Variants in EEPD1 observed in about 807,000 individuals in gnomAD.
The protein encoded by EEPD1 is endonuclease/exonuclease/phosphatase family domain containing 1, also known as endonuclease/exonuclease/phosphatase family domain-containing protein 1.
Under a neutral mutation model 46.3 loss-of-function variants are expected in EEPD1, and 17 were observed. That is an observed-to-expected ratio of 0.37 (90% confidence interval 0.25 to 0.55). The LOEUF is 0.55. Among genes scored for constraint, EEPD1 ranks in the 20% least tolerant of loss-of-function variants. The probability of loss-of-function intolerance (pLI) is 0.83; values close to 1 mark genes in which losing one functional copy is unlikely to be tolerated. For synonymous variants in EEPD1, 313 were observed against 315.6 expected (o/e 0.99, Z 0.09); for missense variants, 673 against 745.6 (o/e 0.90, Z 1.13).
At chr7:36,224,052 A>G (rs1321097946) in intron 2 of EEPD1, among the ~76,000 whole-genome samples, 1 of 152,234 alleles carries the variant, frequency 6.6e-6, no homozygotes, top group Non-Finnish European at 1.5e-5. Flanking sequence ...TATCTCCTGC[A>G]GTTAAGCCAA....
At chr7:36,170,333 C>T (rs774221353) in intron 2 of EEPD1, among the ~76,000 whole-genome samples, 1 of 151,960 alleles carries the variant, frequency 6.6e-6, no homozygotes, top group Non-Finnish European at 1.5e-5. Flanking sequence ...CGCTTGAACC[C>T]GGGAGGCAGA....
At chr7:36,283,939 T>G (rs546522314) in intron 4 of EEPD1, among the ~76,000 whole-genome samples, 1 of 152,332 alleles carries the variant, frequency 6.6e-6, no homozygotes, top group South Asian at 2.1e-4. Flanking sequence ...CAGCAGAGGC[T>G]GTGGTGGGGT....
Position 36,189,968 on chromosome 7 carries a change from A to G in EEPD1, c.878+34766A>G, listed in dbSNP as rs146345872. 2.6e-5 allele frequency among the ~76,000 whole-genome samples: 4 copies of G among 152,100 alleles called. No homozygotes were observed. The East Asian group carries it at 7.7e-4, about 29-fold the overall frequency. On this transcript the variant is annotated intron_variant, in intron 2 of 7. Transcript: ENST00000242108. ...CAGGAGTTTGAGGACAGCCTGGGCAATGTAGTGAGAGCCTGTATCTTAAAA... is the reference window on the plus strand; with the variant it reads ...CAGGAGTTTGAGGACAGCCTGGGCAGTGTAGTGAGAGCCTGTATCTTAAAA...
intron 6 of EEPD1, among the ~76,000 whole-genome samples, chr7:36,294,476 A>G (rs2115899294): frequency 6.6e-6 from 1 of 152,350 alleles, no homozygotes; most frequent in East Asian, 1.9e-4. Context: ...TAGGCAAGCT[A>G]AAGAGTGAAA....
At chr7:36,195,739 G>A (rs955098509) in intron 2 of EEPD1, among the ~76,000 whole-genome samples, 3 of 152,058 alleles carry the variant, frequency 2.0e-5, no homozygotes, top group Non-Finnish European at 4.4e-5. Context: ...ATTACTGAGA[G>A]TAGATTATAA....
chr7:36,209,635 GGGCTGCACATGTTT>G (rs147690721), intron 2 of EEPD1, among the ~76,000 whole-genome samples: 148,190 of 151,868 alleles, frequency 0.98, 72,416 homozygotes, highest in East Asian at 1. Flanking sequence ...GGAGTCATGT[GGGCTGCACATGTTT>G]GGCTGCACAT....
intron 3 of EEPD1, among the ~76,000 whole-genome samples, chr7:36,249,405 G>A (rs141413303): frequency 1.3e-3 from 198 of 152,184 alleles, no homozygotes; most frequent in Non-Finnish European, 2.2e-3. Flanking sequence ...CCTGTGATCC[G>A]GTTCCTGGGA....
Position 36,297,092 on chromosome 7 carries a change from C to T in EEPD1, c.1415C>T (p.Ala472Val), listed in dbSNP as rs149881014. 1,174 of 1,614,214 alleles carry T rather than the reference C, an allele frequency of 7.3e-4. 5 individuals are homozygous for T. The highest frequency in any genetic ancestry group is 9.6e-4 in the Non-Finnish European group (1,132 of 1,180,034). The change falls in exon 7 of 8, where the codon GCG becomes GTG. Residue 472 changes from alanine (A) to valine (V), a missense_variant. By Grantham distance (64) the Ala-to-Val change is moderately conservative. Coordinates refer to ENST00000242108, the MANE Select transcript of EEPD1 (RefSeq NM_030636.3). ...RKEKFHHLIP[A>V]HTFTNISTKN... is the part of the protein sequence containing the mutation. ...GAAAAGTTCCACCACCTGATCCCCG[C>T]GCACACCTTCACCAACATCAGCACC...
At chr7:36,221,486 A>G (rs1243561719) in intron 2 of EEPD1, among the ~76,000 whole-genome samples, 1 of 152,270 alleles carries the variant, frequency 6.6e-6, no homozygotes, top group Non-Finnish European at 1.5e-5. Context: ...TAACTGTTAA[A>G]GAATGTAATC....
At chr7:36,292,152 C>G (rs537474384) in intron 6 of EEPD1, among the ~76,000 whole-genome samples, 2 of 152,116 alleles carry the variant, frequency 1.3e-5, no homozygotes, top group African/African-American at 4.8e-5. Context: ...CATGTGAGTG[C>G]CCCGTGCCAG....
chr7:36,199,759 T>C (rs1785683108), intron 2 of EEPD1, among the ~76,000 whole-genome samples: 2 of 152,128 alleles, frequency 1.3e-5, no homozygotes. Context: ...CTATGGTGGT[T>C]CCCAACAGTG....
chr7:36,245,449 A>G (rs1786624951), intron 3 of EEPD1, among the ~76,000 whole-genome samples: 2 of 152,150 alleles, frequency 1.3e-5, no homozygotes, highest in South Asian at 4.1e-4. Flanking sequence ...ACATAGATAC[A>G]CAGAGACCCC....
chr7:36,239,220 A>G (rs556958411), intron 3 of EEPD1, among the ~76,000 whole-genome samples, 184 bp downstream of exon 3: 22 of 152,212 alleles, frequency 1.4e-4, no homozygotes, highest in African/African-American at 5.3e-4. Context: ...CATTGTGTTC[A>G]CACCTACAAA....
chr7:36,172,455 C>T (rs1583786070), intron 2 of EEPD1, among the ~76,000 whole-genome samples: 1 of 152,156 alleles, frequency 6.6e-6, no homozygotes, highest in Admixed American at 6.5e-5. Context: ...AAGCTCTGTG[C>T]CCCTTCTGCC....
chr7:36,259,114 T>C (rs1786872786), intron 3 of EEPD1, among the ~76,000 whole-genome samples: 1 of 152,144 alleles, frequency 6.6e-6, no homozygotes, highest in Non-Finnish European at 1.5e-5. Flanking sequence ...CCGGACCCCT[T>C]GTGCTTCCCA....
intron 4 of EEPD1, 30 bp from the exon 5 acceptor site, chr7:36,284,656 A>C (rs946229491): frequency 3.1e-6 from 5 of 1,603,376 alleles, no homozygotes; most frequent in Non-Finnish European, 2.6e-6. Context: ...GGGCTCTGGC[A>C]CCAAGACTCT....
intron 2 of EEPD1, among the ~76,000 whole-genome samples, chr7:36,234,521 A>T (rs1164333755): frequency 6.6e-6 from 1 of 151,892 alleles, no homozygotes; most frequent in Non-Finnish European, 1.5e-5. Context: ...AAAATACAAA[A>T]ATTAGCCTGG....
At chr7:36,281,294 G>A (rs1787259147) in intron 4 of EEPD1, 69 bp downstream of exon 4, 3 of 1,406,232 alleles carry the variant, frequency 2.1e-6, no homozygotes, top group Admixed American at 2.1e-5. Context: ...CTAATCAAGG[G>A]CATTTAAAAA....
intron 2 of EEPD1, among the ~76,000 whole-genome samples, chr7:36,234,937 A>ACAGCATCGACCACCTGCTCATTG (rs1786404700): frequency 7.1e-6 from 1 of 141,204 alleles, no homozygotes; most frequent in African/African-American, 2.6e-5. Context: ...GGCCTCCCCC[A>ACAGCATCGACCACCTGCTCATTG]TGGCCTCCAG....
Sources: gnomAD v4.1 joint callset for allele counts (sites outside exome capture counted in the v4.1 genomes callset) on GRCh38, gnomAD v4.1.1 for gene constraint, MANE v1.5 for transcripts, NCBI Gene and HGNC (gene_info 2026-07-23, HGNC 2026-07-21) for gene names.